The following NFIC variants were observed in gnomAD, a reference collection of about 807,000 sequenced individuals.
The protein encoded by NFIC is nuclear factor I C, also known as nuclear factor 1 C-type.
Under a neutral mutation model 54.4 loss-of-function variants are expected in NFIC, and 12 were observed. That is an observed-to-expected ratio of 0.22 (90% CI 0.14 to 0.36). NFIC has a LOEUF of 0.36. Ranked by LOEUF, NFIC falls within the 10% of genes least tolerant of loss-of-function variation. The pLI, the probability that NFIC is intolerant of heterozygous loss-of-function variation, is 1.00. For missense variants in NFIC, 575 were observed against 718.2 expected, an observed-to-expected ratio of 0.80 and a Z score of 2.28; for synonymous variants, 322 against 319.2, an observed-to-expected ratio of 1.01 and a Z score of -0.09.
chr19:3,380,665 T>C (rs2081192671), intron 1 of NFIC, among the ~76,000 whole-genome samples: 1 of 118,460 alleles, frequency 8.4e-6, no homozygotes, highest in African/African-American at 3.2e-5. Flanking sequence ...ACAGTCTTGC[T>C]CTGTCGCCCA....
intron 1 of NFIC, among the ~76,000 whole-genome samples, chr19:3,367,962 G>A (rs1009060924): frequency 2.0e-5 from 3 of 152,188 alleles, no homozygotes; most frequent in Non-Finnish European, 2.9e-5. Flanking sequence ...CAGGGAATGT[G>A]GGAGCTGGTG....
chr19:3,432,594 G>C (rs539843604), intron 3 of NFIC, among the ~76,000 whole-genome samples: 1 of 152,152 alleles, frequency 6.6e-6, no homozygotes, highest in South Asian at 2.1e-4. Flanking sequence ...GCTGAGAGAG[G>C]GAAAGTGACC....
chr19:3,439,333 CAAAAAAAAAAAAAAAAAAAAAAAAAAAA>C (rs539916342), intron 6 of NFIC, among the ~76,000 whole-genome samples: 6 of 23,326 alleles, frequency 2.6e-4, no homozygotes, highest in South Asian at 1.8e-3. Context: ...GACCCTGTCT[CAAAAAAAAAAAAAAAAAAAAAAAAAAAA>C]AAAAAAAAAA....
At chr19:3,367,822 C>T (rs1470453231) in intron 1 of NFIC, among the ~76,000 whole-genome samples, 5 of 152,122 alleles carry the variant, frequency 3.3e-5, no homozygotes, top group Non-Finnish European at 7.4e-5. Context: ...GGGCCAGGCC[C>T]GTCTTAAGAA....
chr19:3,439,097 C>T (rs577943585), intron 6 of NFIC, among the ~76,000 whole-genome samples: 4 of 150,894 alleles, frequency 2.7e-5, no homozygotes, highest in South Asian at 2.1e-4. Context: ...CTCTGCTATA[C>T]GATCAGGTTG....
At chr19:3,427,776 G>C (rs192483477) in intron 3 of NFIC, among the ~76,000 whole-genome samples, 5 of 142,842 alleles carry the variant, frequency 3.5e-5, no homozygotes, top group Non-Finnish European at 7.5e-5. Flanking sequence ...GTGGTGAGCC[G>C]AGATTGTGCA....
rs1039307005 is a variant in NFIC at position 3,452,095 on chromosome 19, C to G, written c.1085-387C>G. Among the ~76,000 whole-genome samples the G allele has an allele frequency of 7.7e-6, 1 of 130,200 alleles. No homozygotes were observed. Among genetic ancestry groups the G allele is most frequent in the Non-Finnish European group, 1.6e-5 (1 of 63,904 alleles). 85.4% of individuals were successfully genotyped at this position (130,200 alleles called of 152,430 possible). ...TACCACTGCACTCCAGCCTGGGTGACTGTCTCAAAAAAAAAAAAAAAAAAA... is the reference window on the plus strand; with the variant it reads ...TACCACTGCACTCCAGCCTGGGTGAGTGTCTCAAAAAAAAAAAAAAAAAAA... On this transcript the variant is annotated intron_variant, in intron 7 of 10. Transcript: ENST00000443272. This position sits in a 1 kb window ranked among gnomAD's most constrained non-coding sequence, Gnocchi z 5.3.
upstream of NFIC, chr19:3,366,547 T>TGGGGGGGGGGGGG (rs1297245047): frequency 5.7e-5 from 20 of 353,472 alleles, no homozygotes; most frequent in South Asian, 3.9e-4. Context: ...GGGGGGGGGT[T>TGGGGGGGGGGGGG]GGGGGGGGCG....
At chr19:3,415,936 C>T (rs919550450) in intron 2 of NFIC, among the ~76,000 whole-genome samples, 17 of 152,034 alleles carry the variant, frequency 1.1e-4, no homozygotes, top group African/African-American at 2.2e-4. Context: ...GCAGGAGGAG[C>T]GCTTCAGCCC....
chr19:3,409,760 G>A (rs763672861), intron 2 of NFIC, among the ~76,000 whole-genome samples: 14 of 152,336 alleles, frequency 9.2e-5, no homozygotes, highest in Non-Finnish European at 1.5e-4. Context: ...TGTCCGCCCC[G>A]TCAGTGCCAT....
chr19:3,421,510 C>T (rs997304270), intron 2 of NFIC, among the ~76,000 whole-genome samples: 5 of 152,248 alleles, frequency 3.3e-5, no homozygotes, highest in South Asian at 2.1e-4. Flanking sequence ...ACACTCCCCT[C>T]GGCTGCTGTC....
At chr19:3,372,199 T>G (rs1479534384) in intron 1 of NFIC, among the ~76,000 whole-genome samples, 1 of 152,048 alleles carries the variant, frequency 6.6e-6, no homozygotes, top group Non-Finnish European at 1.5e-5. Flanking sequence ...TTTTGTATTT[T>G]TAGTAGAGAC....
chr19:3,409,935 C>A (rs1008323537), intron 2 of NFIC, among the ~76,000 whole-genome samples: 1 of 152,202 alleles, frequency 6.6e-6, no homozygotes, highest in Non-Finnish European at 1.5e-5. Context: ...TGGCCGGCTG[C>A]GGTGGCTCGC....
rs1015897151 is a variant in NFIC, at chr19:3,419,782, C to G, written c.563-5324C>G. ...CCATTGCACTCCAGCCTGGGCGACA[C>G]AGCGATACTCTGTTCCAAAAAAAAA... On this transcript the variant is annotated intron_variant, in intron 2 of 10. Transcript: ENST00000443272. Among the ~76,000 whole-genome samples the G allele has an allele frequency of 1.6e-4, 23 of 143,712 alleles. 1 individual carries two copies. Among genetic ancestry groups the G allele is most frequent in the African/African-American group, 5.7e-4 (22 of 38,922 alleles). The allele number at this position is 143,712 out of a possible 152,430, so 94.3% of individuals were successfully genotyped here.
chr19:3,413,921 T>C (rs1057136035), intron 2 of NFIC, among the ~76,000 whole-genome samples: 1 of 152,060 alleles, frequency 6.6e-6, no homozygotes, highest in Non-Finnish European at 1.5e-5. Flanking sequence ...TTCAACGACC[T>C]GAAGTGACCC....
chr19:3,434,551 A>C (rs1599682100), intron 5 of NFIC, 151 bp downstream of exon 5: 6 of 1,233,930 alleles, frequency 4.9e-6, no homozygotes, highest in Non-Finnish European at 3.2e-6. Context: ...ATCCTTCAAA[A>C]CCCAGCCAGC....
chr19:3,385,564 GT>G (rs954346531), intron 2 of NFIC, among the ~76,000 whole-genome samples: 6 of 134,252 alleles, frequency 4.5e-5, no homozygotes, highest in Admixed American at 1.5e-4. Context: ...GGTTTTTTTG[GT>G]TGTTGTTGTT....
chr19:3,426,358 T>C (rs1313754988), intron 3 of NFIC, among the ~76,000 whole-genome samples: 2 of 152,042 alleles, frequency 1.3e-5, no homozygotes, highest in Non-Finnish European at 2.9e-5. Flanking sequence ...GGATCATAGG[T>C]GTGAGCCACC....
chr19:3,371,904 C>T (rs149483809), intron 1 of NFIC, among the ~76,000 whole-genome samples: 6,909 of 67,670 alleles, frequency 0.1, 328 homozygotes, highest in Middle Eastern at 0.29. Context: ...TCCTTCCTTC[C>T]TTCCTTCCTT....
Sources: allele counts gnomAD v4.1 joint callset (sites outside exome capture counted in the v4.1 genomes callset), GRCh38; gene constraint gnomAD v4.1.1; non-coding constraint Gnocchi (gnomAD v3.1); transcripts MANE v1.5; gene names NCBI Gene and HGNC (gene_info 2026-07-23, HGNC 2026-07-21).